VIPR2: variants seen among roughly 807,000 people sequenced by gnomAD.
VIPR2 encodes the protein vasoactive intestinal polypeptide receptor 2.
Under a neutral mutation model 58.0 loss-of-function variants are expected in VIPR2, and 48 were observed. The observed-to-expected ratio is 0.83, with a 90% confidence interval of 0.66 to 1.05. The LOEUF (loss-of-function observed/expected upper bound fraction) is 1.05, where lower values mean the gene tolerates loss of function less well. Among genes scored for constraint, VIPR2 ranks in the 50% least tolerant of loss-of-function variants. The pLI is 0.00. For synonymous variants in VIPR2, 243 were observed against 235.2 expected (o/e 1.03, Z -0.30); for missense variants, 534 against 558.0 (o/e 0.96, Z 0.43).
At chr7:159,141,286 T>G (rs751095414) in intron 2 of VIPR2, among the ~76,000 whole-genome samples, 145 of 152,242 alleles carry the variant, frequency 9.5e-4, no homozygotes, top group Non-Finnish European at 1.5e-3. Context: ...CCAGACAATC[T>G]GGAAGATGGG....
intron 4 of VIPR2, among the ~76,000 whole-genome samples, chr7:159,060,451 A>C (rs1855583723): frequency 6.6e-6 from 1 of 151,772 alleles, no homozygotes; most frequent in Non-Finnish European, 1.5e-5. Flanking sequence ...CACCACTCTC[A>C]ATTCATCTAA....
chr7:159,118,812 A>G (rs1208928904), intron 2 of VIPR2, among the ~76,000 whole-genome samples: 3 of 152,242 alleles, frequency 2.0e-5, no homozygotes, highest in African/African-American at 7.2e-5. Context: ...GCGCGGGTGC[A>G]CAGAGCTGCT....
chr7:159,125,666 T>G (rs3793240), intron 2 of VIPR2, among the ~76,000 whole-genome samples: 1 of 152,116 alleles, frequency 6.6e-6, no homozygotes, highest in Non-Finnish European at 1.5e-5. Context: ...GCAGTTATGA[T>G]TGGCAGCAGT....
chr7:159,060,492 C>A (rs1855586199), intron 4 of VIPR2, among the ~76,000 whole-genome samples: 1 of 152,078 alleles, frequency 6.6e-6, no homozygotes, highest in Non-Finnish European at 1.5e-5. Context: ...CCACCATATT[C>A]ACCTCACTTA....
chr7:159,101,850 G>C lies in VIPR2; in HGVS notation c.357+1907C>G, dbSNP rs537717253. On this transcript the variant is annotated intron_variant, in intron 4 of 12. Transcript: ENST00000262178. ...CTGTGGTAGTGAACGGGTCTCACGA[G>C]ATCCGACGAGGCGGTTCCCACTGTT... is the stretch of plus-strand genomic sequence containing the variant. Among the ~76,000 whole-genome samples, 11 of 138,700 alleles carry C rather than the reference G, an allele frequency of 7.9e-5. 1 individual carries two copies. The highest frequency in any genetic ancestry group is 3.1e-4 in the African/African-American group (11 of 34,930). 91.0% of individuals were successfully genotyped at this position (138,700 alleles called of 152,430 possible).
At chr7:159,102,263 G>A (rs574371104) in intron 4 of VIPR2, among the ~76,000 whole-genome samples, 52 of 152,336 alleles carry the variant, frequency 3.4e-4, no homozygotes, top group African/African-American at 1.3e-3. Flanking sequence ...TAGTGAATGG[G>A]TCTCACGAGA....
intron 4 of VIPR2, among the ~76,000 whole-genome samples, chr7:159,061,661 A>T (rs949191568): frequency 1.3e-5 from 2 of 152,160 alleles, no homozygotes; most frequent in South Asian, 4.2e-4. Context: ...GCAAAAAAAA[A>T]AGTTAAAAAA....
intron 2 of VIPR2, among the ~76,000 whole-genome samples, chr7:159,129,481 T>A (rs1466891121): frequency 2.8e-5 from 1 of 36,146 alleles, no homozygotes; most frequent in Non-Finnish European, 5.3e-5. Flanking sequence ...AGCTTCACAC[T>A]CTGTTCCCTC....
chr7:159,143,692 T>C (rs1020837888), intron 1 of VIPR2, among the ~76,000 whole-genome samples: 2 of 152,204 alleles, frequency 1.3e-5, no homozygotes, highest in Non-Finnish European at 2.9e-5. Flanking sequence ...ATTAAGGAAA[T>C]TATATTGATG....
chr7:159,138,042 G>C (rs1389605265), intron 2 of VIPR2, among the ~76,000 whole-genome samples: 2 of 152,210 alleles, frequency 1.3e-5, no homozygotes, highest in African/African-American at 2.4e-5. Flanking sequence ...TAGTTTCTTA[G>C]AACAGGTCTG....
At chr7:159,137,236 C>T (rs1371042174) in intron 2 of VIPR2, among the ~76,000 whole-genome samples, 1 of 152,214 alleles carries the variant, frequency 6.6e-6, no homozygotes, top group Non-Finnish European at 1.5e-5. Flanking sequence ...TAGTGCACTT[C>T]TGAGTGGCCC....
At chr7:159,040,552 G>A (rs887095335) in intron 6 of VIPR2, among the ~76,000 whole-genome samples, 2 of 152,206 alleles carry the variant, frequency 1.3e-5, no homozygotes, top group Admixed American at 6.5e-5. Flanking sequence ...TGTCTAGGCC[G>A]CATGGAAGGG....
chr7:159,030,464 G>A lies in VIPR2; in HGVS notation c.*152C>T. On this transcript the variant is annotated 3_prime_UTR_variant, in exon 13 of 13. Coordinates refer to ENST00000262178, the MANE Select transcript of VIPR2 (RefSeq NM_003382.5). ...CAACACGACTCCAATTCCAGGTATGGGGTTTAGTGGACAACCAGCTTGACG... is the reference window on the plus strand; with the variant it reads ...CAACACGACTCCAATTCCAGGTATGAGGTTTAGTGGACAACCAGCTTGACG... 3.6e-6 allele frequency: 3 copies of A among 839,376 alleles called. No homozygotes were observed. Among genetic ancestry groups the A allele is most frequent in the Non-Finnish European group, 5.2e-6 (3 of 579,900 alleles). 52.0% of individuals were successfully genotyped at this position (839,376 alleles called of 1,614,324 possible).
intron 4 of VIPR2, among the ~76,000 whole-genome samples, chr7:159,073,117 A>G (rs930015807): frequency 1.3e-5 from 2 of 152,258 alleles, no homozygotes; most frequent in African/African-American, 4.8e-5. Context: ...TAACAAATAA[A>G]GAAAAAGCAC....
chr7:159,053,772 T>C (rs1056332918), intron 5 of VIPR2, among the ~76,000 whole-genome samples: 2 of 152,190 alleles, frequency 1.3e-5, no homozygotes, highest in African/African-American at 4.8e-5. Flanking sequence ...TGTCTTGAAC[T>C]CCTGAGCACA....
intron 4 of VIPR2, among the ~76,000 whole-genome samples, chr7:159,081,322 C>T (rs148613137): frequency 0.026 from 3,989 of 152,306 alleles, 56 homozygotes; most frequent in Non-Finnish European, 0.041. Flanking sequence ...CACATATCTA[C>T]AACTATCTGA....
chr7:159,086,100 C>T (rs1558638), intron 4 of VIPR2, among the ~76,000 whole-genome samples: 25,853 of 152,124 alleles, frequency 0.17, 3,757 homozygotes, highest in African/African-American at 0.39. Context: ...CTGGGCAGTG[C>T]GGACTGCACG....
intron 2 of VIPR2, among the ~76,000 whole-genome samples, chr7:159,111,120 G>C (rs1459153702): frequency 6.6e-6 from 1 of 152,204 alleles, no homozygotes; most frequent in African/African-American, 2.4e-5. Context: ...CTAAGTAGTA[G>C]AGTTATTTAA....
intron 2 of VIPR2, among the ~76,000 whole-genome samples, chr7:159,125,669 G>A (rs771673029): frequency 4.6e-5 from 7 of 152,194 alleles, no homozygotes; most frequent in Non-Finnish European, 8.8e-5. Context: ...GTTATGATTG[G>A]CAGCAGTTTA....
Sources: allele counts gnomAD v4.1 joint callset (sites outside exome capture counted in the v4.1 genomes callset), GRCh38; gene constraint gnomAD v4.1.1; transcripts MANE v1.5; gene names NCBI Gene and HGNC (gene_info 2026-07-23, HGNC 2026-07-21).